PAPPA2: variants seen among roughly 807,000 people sequenced by gnomAD.
PAPPA2 encodes the protein pappalysin-2.
PAPPA2 carries 86 observed loss-of-function variants against 176.4 expected under a neutral mutation model. The ratio of observed to expected loss-of-function variants is 0.49; its 90% CI spans 0.41 to 0.58. The LOEUF (loss-of-function observed/expected upper bound fraction) is 0.58, where lower values mean the gene tolerates loss of function less well. Ranked by LOEUF, PAPPA2 falls within the 20% of genes least tolerant of loss-of-function variation. PAPPA2 has a pLI of 0.00. For missense variants in PAPPA2, 2,073 were observed against 2,256.9 expected (o/e 0.92, Z 1.65); for synonymous variants, 809 against 852.2 (o/e 0.95, Z 0.88).
chr1:176,738,099 C>CAA (rs1483320071), intron 12 of PAPPA2, among the ~76,000 whole-genome samples: 6 of 152,078 alleles, frequency 3.9e-5, no homozygotes, highest in Non-Finnish European at 7.4e-5. Context: ...GCTGCTGGAG[C>CAA]TGAGGGCATT....
intron 3 of PAPPA2, 47 bp from the exon 4 acceptor site, chr1:176,670,921 AAG>A: frequency 1.2e-6 from 2 of 1,608,828 alleles, no homozygotes; most frequent in African/African-American, 2.7e-5. Context: ...GCTATTCTCT[AAG>A]TACCAATTCT....
At chr1:176,636,174 C>A (rs1268520933) in intron 3 of PAPPA2, among the ~76,000 whole-genome samples, 1 of 152,104 alleles carries the variant, frequency 6.6e-6, no homozygotes, top group Non-Finnish European at 1.5e-5. Flanking sequence ...TAGTGACAGT[C>A]ATATAAATTA....
rs749011931 is a variant in PAPPA2 at position 176,594,832 on chromosome 1, G to A, written c.1228G>A (p.Gly410Arg). The change falls in exon 3 of 23, where the codon GGA (glycine) becomes AGA (arginine). Residue 410 changes from glycine (G) to arginine (R), a missense_variant. Transcript: ENST00000367662. ...MASCRSLLLG[G>R]DSSEDGHYFR... ...ATCTTGCCGCTCTTTGCTCCTGGGG[G>A]GAGACAGCTCTGAGGATGGGCACTA... 6.2e-7 allele frequency: 1 copy of A among 1,614,234 alleles called. No homozygotes were observed. Among genetic ancestry groups the A allele is most frequent in the Non-Finnish European group, 8.5e-7 (1 of 1,180,046 alleles).
rs534129915 is a variant in PAPPA2 at position 176,595,146 on chromosome 1, T to C, written c.1542T>C (p.Asn514=). ...ATGTGGAATTGATCTCCCAGTACAA[T>C]GGATACTGGCCCCTTCGGGGAGAGA... ...CDNVELISQY[N]GYWPLRGEKV... is the part of the protein sequence containing the mutation. The change falls in exon 3 of 23, where the codon AAT becomes AAC. Residue 514 remains asparagine (N), a synonymous_variant. Coordinates refer to ENST00000367662, the MANE Select transcript of PAPPA2 (RefSeq NM_020318.3). 2.4e-5 allele frequency: 39 copies of C among 1,614,160 alleles called. No homozygotes were observed. In the African/African-American group the frequency reaches 3.7e-4, roughly 15 times the overall value.
At chr1:176,501,807 C>G (rs1218336479) in intron 1 of PAPPA2, among the ~76,000 whole-genome samples, 1 of 152,142 alleles carries the variant, frequency 6.6e-6, no homozygotes, top group East Asian at 1.9e-4. Flanking sequence ...TCCTGTGGTC[C>G]ATTGCCCCTG....
At chr1:176,610,131 T>C (rs1006250829) in intron 3 of PAPPA2, among the ~76,000 whole-genome samples, 20 of 152,204 alleles carry the variant, frequency 1.3e-4, no homozygotes, top group African/African-American at 4.1e-4. Flanking sequence ...AACATAAAGC[T>C]GAGTACAATG....
In PAPPA2 at chr1:176,791,371, G is replaced by T. The variant is rs774163597; in HGVS notation, c.4909G>T (p.Gly1637Cys). 1 of 1,610,492 alleles carries T rather than the reference G, an allele frequency of 6.2e-7. No homozygotes were observed. Among genetic ancestry groups the T allele is most frequent in the South Asian group, 1.1e-5 (1 of 90,970 alleles). Reference protein sequence around the residue: ...EKLPILCTKEGLWTQEFKLCE... With the variant: ...EKLPILCTKECLWTQEFKLCE... ...GCTTCCCATCCTCTGCACTAAAGAGGGCCTGTGGACCCAGGAGTTTAAGTT... is the reference window on the plus strand; with the variant it reads ...GCTTCCCATCCTCTGCACTAAAGAGTGCCTGTGGACCCAGGAGTTTAAGTT... Residue 1637 changes from glycine to cysteine, a missense_variant, in exon 19 of 23, where the codon GGC becomes TGC. Around this residue, in one of 4 missense-constraint regions of PAPPA2, gnomAD observed 846 missense variants for 857.9 expected, o/e 0.99. Coordinates refer to ENST00000367662, the MANE Select transcript of PAPPA2 (RefSeq NM_020318.3).
chr1:176,770,946 G>T lies in PAPPA2; in HGVS notation c.4502-21G>T, dbSNP rs760897158. On this transcript the variant is annotated intron_variant, in intron 16 of 22. Transcript: ENST00000367662. ...GGGCTCTCTGTTCTGAGCATCTTGTGCTTCTCTTTCCTGGAGTCAGGACTG... is the reference window on the plus strand; with the variant it reads ...GGGCTCTCTGTTCTGAGCATCTTGTTCTTCTCTTTCCTGGAGTCAGGACTG... 6.2e-6 allele frequency: 10 copies of T among 1,608,266 alleles called. No individual in the cohort carries two copies. In the South Asian group the frequency reaches 1.1e-4, roughly 18 times the overall value.
chr1:176,688,714 A>C (rs1335801828), intron 4 of PAPPA2, among the ~76,000 whole-genome samples: 1 of 152,170 alleles, frequency 6.6e-6, no homozygotes, highest in Admixed American at 6.5e-5. Flanking sequence ...ATGTTCGAGT[A>C]AACTGGGAGA....
chr1:176,612,145 G>A (rs1654962771), intron 3 of PAPPA2, among the ~76,000 whole-genome samples: 1 of 152,162 alleles, frequency 6.6e-6, no homozygotes, highest in Non-Finnish European at 1.5e-5. Context: ...TTTAATCCAA[G>A]CATTTTGGGA....
chr1:176,507,830 G>C (rs887281284), intron 1 of PAPPA2, among the ~76,000 whole-genome samples: 2 of 151,714 alleles, frequency 1.3e-5, no homozygotes, highest in Admixed American at 1.3e-4. Flanking sequence ...GTACCTGTTG[G>C]GTACTATGCT....
intron 21 of PAPPA2, among the ~76,000 whole-genome samples, chr1:176,804,095 TA>T (rs1287367129): frequency 1.3e-5 from 2 of 152,204 alleles, no homozygotes; most frequent in Non-Finnish European, 2.9e-5. Flanking sequence ...ACAGTGAAGA[TA>T]AATGAGATAA....
intron 12 of PAPPA2, among the ~76,000 whole-genome samples, chr1:176,726,931 C>T (rs1661905144): frequency 6.6e-6 from 1 of 152,166 alleles, no homozygotes; most frequent in Admixed American, 6.5e-5. Flanking sequence ...TATATGACCA[C>T]AAAGGACAAG....
rs568630398 is a variant in PAPPA2, at chr1:176,770,819, A to C, written c.4502-148A>C. On this transcript the variant is annotated intron_variant, in intron 16 of 22. Transcript: ENST00000367662. ...TAAAAAGATGTAGGACTAACATTTG[A>C]TGTGGGATTTTTGAGATGCTACTCA... 1.6e-5 allele frequency: 11 copies of C among 684,894 alleles called. 1 individual carries two copies. In the South Asian group the frequency reaches 1.9e-4, roughly 12 times the overall value. 42.4% of individuals were successfully genotyped at this position (684,894 alleles called of 1,614,324 possible). A position where few individuals can be genotyped will look rare whatever the true frequency, so the allele number is the denominator to read the frequency against.
At chr1:176,616,397 T>C in intron 3 of PAPPA2, 1 of 605,764 alleles carries the variant, frequency 1.7e-6, no homozygotes, top group South Asian at 1.5e-5. Context: ...GTCCTATGAA[T>C]TGTACTGCAT....
At chr1:176,600,675 C>CAAAAAAAAAAAAAAAAA (rs749068016) in intron 3 of PAPPA2, among the ~76,000 whole-genome samples, 1 of 80,870 alleles carries the variant, frequency 1.2e-5, no homozygotes. Flanking sequence ...GACTCCGTCT[C>CAAAAAAAAAAAAAAAAA]AAAAAAAAAA....
intron 14 of PAPPA2, among the ~76,000 whole-genome samples, chr1:176,764,396 G>A (rs997059666): frequency 2.0e-5 from 3 of 152,194 alleles, no homozygotes; most frequent in African/African-American, 7.2e-5. Context: ...TAACAACTCT[G>A]TGAGGTTGCC....
chr1:176,508,168 A>T (rs1417656303), intron 1 of PAPPA2, among the ~76,000 whole-genome samples: 2 of 152,148 alleles, frequency 1.3e-5, no homozygotes, highest in African/African-American at 2.4e-5. Context: ...AAAGTGTAGC[A>T]CTCTTTAAAG....
intron 3 of PAPPA2, among the ~76,000 whole-genome samples, chr1:176,626,972 C>T (rs2102702474): frequency 6.6e-6 from 1 of 151,064 alleles, no homozygotes; most frequent in Non-Finnish European, 1.5e-5. Flanking sequence ...ATCCTCCCAC[C>T]TCGGCCTCTT....
Sources: gnomAD v4.1 joint callset for allele counts (sites outside exome capture counted in the v4.1 genomes callset) on GRCh38, gnomAD v4.1.1 for gene constraint, gnomAD v4.1.1 regional missense constraint, MANE v1.5 for transcripts, NCBI Gene and HGNC (gene_info 2026-07-23, HGNC 2026-07-21) for gene names.